The following ADAMTSL1 variants were observed in gnomAD, a reference collection of about 807,000 sequenced individuals.
ADAMTSL1 encodes ADAMTS-like protein 1.
A neutral mutation model predicts 201.8 loss-of-function variants in ADAMTSL1; 126 were observed. The observed-to-expected ratio is 0.62, with a 90% CI of 0.54 to 0.72. The LOEUF (loss-of-function observed/expected upper bound fraction) is 0.72, where lower values mean the gene tolerates loss of function less well. Among genes scored for constraint, ADAMTSL1 ranks in the 30% least tolerant of loss-of-function variants. ADAMTSL1 has a pLI of 0.00. For missense variants in ADAMTSL1, 2,679 were observed against 2,277.8 expected (o/e 1.18, Z -3.59); for synonymous variants, 1,121 against 903.4 (o/e 1.24, Z -4.32).
At chr9:18,099,230 T>C (rs1202970670) in intron 1 of ADAMTSL1, among the ~76,000 whole-genome samples, 2 of 149,372 alleles carry the variant, frequency 1.3e-5, no homozygotes, top group Admixed American at 6.7e-5. Context: ...TGTTACTCTA[T>C]TTTTGCCTGG....
chr9:18,582,836 G>T (rs532180880), intron 4 of ADAMTSL1, among the ~76,000 whole-genome samples: 2 of 150,054 alleles, frequency 1.3e-5, no homozygotes, highest in Non-Finnish European at 1.5e-5. Flanking sequence ...GCGACACAAC[G>T]AGACTCCATC....
intron 23 of ADAMTSL1, among the ~76,000 whole-genome samples, chr9:18,864,008 A>G (rs1827360529): frequency 6.6e-6 from 1 of 152,236 alleles, no homozygotes; most frequent in Non-Finnish European, 1.5e-5. Context: ...GAAAATGCTG[A>G]CAGGCCTGGA....
At chr9:18,825,720 C>A (rs1000321192) in intron 21 of ADAMTSL1, among the ~76,000 whole-genome samples, 2 of 151,652 alleles carry the variant, frequency 1.3e-5, no homozygotes, top group African/African-American at 4.9e-5. Flanking sequence ...CAGTCACAAC[C>A]CCTCCCCATT....
At chr9:18,660,998 A>T (rs1253377579) in intron 8 of ADAMTSL1, among the ~76,000 whole-genome samples, 1 of 152,170 alleles carries the variant, frequency 6.6e-6, no homozygotes, top group Non-Finnish European at 1.5e-5. Context: ...CCTGCTAGGG[A>T]TAATGTATTT....
intron 2 of ADAMTSL1, among the ~76,000 whole-genome samples, chr9:18,238,525 A>G (rs975103921): frequency 3.3e-5 from 5 of 152,142 alleles, no homozygotes; most frequent in Non-Finnish European, 5.9e-5. Flanking sequence ...ATGTTTCTTC[A>G]TTTGTAAAAT....
At chr9:18,891,366 A>G (rs1391843344) in intron 25 of ADAMTSL1, among the ~76,000 whole-genome samples, 1 of 146,024 alleles carries the variant, frequency 6.8e-6, no homozygotes, top group Non-Finnish European at 1.5e-5. Context: ...CTCCATCACT[A>G]AAACCAAAGA....
intron 23 of ADAMTSL1, among the ~76,000 whole-genome samples, chr9:18,860,552 A>G (rs1827147379): frequency 6.6e-6 from 1 of 152,132 alleles, no homozygotes; most frequent in African/African-American, 2.4e-5. Flanking sequence ...CCTTCTTACC[A>G]ACAATGACAA....
At chr9:18,705,999 C>G (rs896269750) in intron 13 of ADAMTSL1, among the ~76,000 whole-genome samples, 5 of 152,116 alleles carry the variant, frequency 3.3e-5, no homozygotes, top group Non-Finnish European at 7.3e-5. Context: ...AGCTGACGAG[C>G]AAAGTGAAAG....
At chr9:18,368,791 C>A (rs1479467400) in intron 2 of ADAMTSL1, among the ~76,000 whole-genome samples, 1 of 152,152 alleles carries the variant, frequency 6.6e-6, no homozygotes, top group Non-Finnish European at 1.5e-5. Context: ...CAGTAACATT[C>A]ATTTACTGCA....
chr9:18,376,752 G>A (rs1303539858), intron 2 of ADAMTSL1, among the ~76,000 whole-genome samples: 5 of 152,140 alleles, frequency 3.3e-5, no homozygotes, highest in Non-Finnish European at 4.4e-5. Flanking sequence ...GTTGCAGTGA[G>A]CCAAGATCGC....
chr9:18,602,972 A>G (rs936024186), intron 4 of ADAMTSL1, among the ~76,000 whole-genome samples: 1 of 152,180 alleles, frequency 6.6e-6, no homozygotes. Flanking sequence ...GGCAACTTCT[A>G]AGAGGTAAAA....
intron 2 of ADAMTSL1, among the ~76,000 whole-genome samples, chr9:18,283,056 C>G (rs1176089683): frequency 6.6e-6 from 1 of 152,116 alleles, no homozygotes; most frequent in Non-Finnish European, 1.5e-5. Context: ...GAATTGAAAT[C>G]AACTATAATT....
At chr9:18,287,054 C>T (rs755547085) in intron 2 of ADAMTSL1, among the ~76,000 whole-genome samples, 1 of 152,146 alleles carries the variant, frequency 6.6e-6, no homozygotes, top group Non-Finnish European at 1.5e-5. Context: ...ATATGAGTTT[C>T]TTCCATTCTT....
At chr9:18,764,017 T>C (rs193207045) in intron 16 of ADAMTSL1, among the ~76,000 whole-genome samples, 2 of 152,330 alleles carry the variant, frequency 1.3e-5, no homozygotes, top group Non-Finnish European at 2.9e-5. Flanking sequence ...AGATTGTTTT[T>C]CTATTTCTGT....
At chr9:18,625,301 A>T (rs1826293980) in intron 5 of ADAMTSL1, among the ~76,000 whole-genome samples, 1 of 151,818 alleles carries the variant, frequency 6.6e-6, no homozygotes, top group African/African-American at 2.4e-5. Context: ...TATGTTATCA[A>T]GCCTCAGAGG....
At chr9:18,891,655 C>T (rs1176931587) in intron 25 of ADAMTSL1, among the ~76,000 whole-genome samples, 2 of 152,202 alleles carry the variant, frequency 1.3e-5, no homozygotes, top group African/African-American at 2.4e-5. Context: ...TGGACTGTCA[C>T]GCGGTCACGC....
chr9:18,814,047 A>G (rs1454720660), intron 20 of ADAMTSL1, among the ~76,000 whole-genome samples: 1 of 152,242 alleles, frequency 6.6e-6, no homozygotes, highest in African/African-American at 2.4e-5. Context: ...AGCTTTTTCT[A>G]CATCTATTGT....
chr9:18,250,443 G>A (rs1831418386), intron 2 of ADAMTSL1, among the ~76,000 whole-genome samples: 2 of 152,226 alleles, frequency 1.3e-5, no homozygotes, highest in Admixed American at 1.3e-4. Context: ...TAAAGAAGTA[G>A]GGGATGTGGT....
At chr9:18,221,680 TAGAA>T (rs1830264912) in intron 2 of ADAMTSL1, among the ~76,000 whole-genome samples, 1 of 152,176 alleles carries the variant, frequency 6.6e-6, no homozygotes. Flanking sequence ...TCTTCTTATT[TAGAA>T]GTATGTTTAT....
Sources: allele counts gnomAD v4.1 joint callset (sites outside exome capture counted in the v4.1 genomes callset), GRCh38; gene constraint gnomAD v4.1.1; transcripts MANE v1.5; gene names NCBI Gene and HGNC (gene_info 2026-07-23, HGNC 2026-07-21).